Variants in WWOX observed in about 807,000 individuals in gnomAD.
The protein encoded by WWOX is WW domain-containing oxidoreductase.
A neutral mutation model predicts 46.2 loss-of-function variants in WWOX; 69 were observed. That is an observed-to-expected ratio of 1.49 (90% CI 1.23 to 1.82). The LOEUF (loss-of-function observed/expected upper bound fraction) is 1.82. Among genes scored for constraint, WWOX ranks in the 40% most tolerant of loss-of-function variants. The pLI is 0.00. For synonymous variants in WWOX, 359 were observed against 202.6 expected, an observed-to-expected ratio of 1.77 and a Z score of -6.56; for missense variants, 919 against 542.6, an observed-to-expected ratio of 1.69 and a Z score of -6.89.
chr16:79,015,490 A>G (rs1455722597), intron 8 of WWOX, among the ~76,000 whole-genome samples: 1 of 152,170 alleles, frequency 6.6e-6, no homozygotes, highest in Non-Finnish European at 1.5e-5. Flanking sequence ...TCAATAAACT[A>G]TAACGTCTTT....
chr16:78,366,619 C>T (rs1241961244), intron 5 of WWOX, among the ~76,000 whole-genome samples: 1 of 152,176 alleles, frequency 6.6e-6, no homozygotes, highest in Non-Finnish European at 1.5e-5. Context: ...TTTACTGGAA[C>T]AGAGGAATAC....
At chr16:78,280,307 T>C (rs560476052) in intron 5 of WWOX, among the ~76,000 whole-genome samples, 1 of 152,360 alleles carries the variant, frequency 6.6e-6, no homozygotes, top group East Asian at 1.9e-4. Flanking sequence ...TAATGATAGA[T>C]ATTATATATA....
At chr16:78,275,983 C>G (rs558829187) in intron 5 of WWOX, among the ~76,000 whole-genome samples, 1 of 152,280 alleles carries the variant, frequency 6.6e-6, no homozygotes, top group East Asian at 1.9e-4. Context: ...TAGCCCAGAC[C>G]CCCAAACTTC....
intron 5 of WWOX, among the ~76,000 whole-genome samples, chr16:78,315,758 A>G (rs1042860754): frequency 1.3e-5 from 2 of 152,162 alleles, no homozygotes; most frequent in Non-Finnish European, 2.9e-5. Flanking sequence ...TCATCCTTAC[A>G]ATGACTCCAT....
chr16:78,833,489 C>T lies in WWOX; in HGVS notation c.1057-378119C>T, dbSNP rs533778020. Among the ~76,000 whole-genome samples, 132 of 152,204 alleles carry T rather than the reference C, an allele frequency of 8.7e-4. 1 individual carries two copies. The highest frequency in any genetic ancestry group is 3.2e-3 in the African/African-American group (131 of 41,506). On this transcript the variant is annotated intron_variant, in intron 8 of 8. Transcript: ENST00000566780. ...CCTTCCTCATCATTGTCCTCTTCTG[C>T]GAGTTCAGAAAATTGGGTTACAATA...
At chr16:78,121,443 T>A (rs1473135316) in intron 4 of WWOX, among the ~76,000 whole-genome samples, 1 of 152,150 alleles carries the variant, frequency 6.6e-6, no homozygotes, top group East Asian at 1.9e-4. Context: ...TACACTGAGA[T>A]ATTATTGGAC....
chr16:79,175,187 C>T (rs1567598821), intron 8 of WWOX, among the ~76,000 whole-genome samples: 2 of 152,170 alleles, frequency 1.3e-5, no homozygotes, highest in Admixed American at 1.3e-4. Context: ...TTTTAATATG[C>T]CTCATTCTAG....
chr16:78,484,115 T>G (rs16947695), intron 8 of WWOX, among the ~76,000 whole-genome samples: 2,880 of 152,340 alleles, frequency 0.019, 71 homozygotes, highest in African/African-American at 0.059. Context: ...TTGAATACAT[T>G]GTCTTTTTGC....
At chr16:78,674,268 AC>A (rs1298686293) in intron 8 of WWOX, among the ~76,000 whole-genome samples, 1 of 143,894 alleles carries the variant, frequency 6.9e-6, no homozygotes, top group Non-Finnish European at 1.5e-5. Flanking sequence ...ACTCGTTCCA[AC>A]CAGTTCATCT....
intron 4 of WWOX, among the ~76,000 whole-genome samples, chr16:78,116,887 G>C (rs543504875): frequency 6.6e-6 from 1 of 152,308 alleles, no homozygotes; most frequent in African/African-American, 2.4e-5. Context: ...TGTGTTAAGT[G>C]TTCGAACTGC....
chr16:78,949,583 T>A (rs2046017327), intron 8 of WWOX, among the ~76,000 whole-genome samples: 1 of 152,262 alleles, frequency 6.6e-6, no homozygotes, highest in Admixed American at 6.5e-5. Context: ...TATGTCATGC[T>A]GTACTACTTT....
chr16:78,210,767 T>A (rs2036535433), intron 5 of WWOX, among the ~76,000 whole-genome samples: 1 of 152,240 alleles, frequency 6.6e-6, no homozygotes, highest in Non-Finnish European at 1.5e-5. Flanking sequence ...ATCTCTAATA[T>A]CCATTTAAAA....
chr16:78,924,270 A>G (rs1343648578), intron 8 of WWOX, among the ~76,000 whole-genome samples: 1 of 152,160 alleles, frequency 6.6e-6, no homozygotes, highest in South Asian at 2.1e-4. Flanking sequence ...ATGTGGTTAG[A>G]CAAGTTTTAT....
intron 8 of WWOX, chr16:78,872,678 TAGAC>T (rs2044153085): frequency 6.6e-6 from 1 of 152,206 alleles, no homozygotes; most frequent in Admixed American, 6.6e-5. Context: ...CTCAAAACCA[TAGAC>T]AGGCAGTGTC....
At chr16:78,919,547 C>G (rs1046184578) in intron 8 of WWOX, among the ~76,000 whole-genome samples, 9 of 116,186 alleles carry the variant, frequency 7.7e-5, no homozygotes, top group African/African-American at 2.9e-4. Flanking sequence ...TTGAGGGAGT[C>G]TTGCTCTGTC....
intron 8 of WWOX, among the ~76,000 whole-genome samples, chr16:78,978,646 G>C (rs918419106): frequency 7.9e-5 from 12 of 152,172 alleles, no homozygotes; most frequent in Admixed American, 7.2e-4. Flanking sequence ...TTATAATCAT[G>C]GCAGAAGGTA....
chr16:79,129,905 G>A (rs377765459), intron 8 of WWOX, among the ~76,000 whole-genome samples: 3 of 152,166 alleles, frequency 2.0e-5, no homozygotes, highest in Non-Finnish European at 4.4e-5. Flanking sequence ...AAGCGTCGCT[G>A]TTCACTGGCT....
At chr16:79,177,703 A>T (rs1217567057) in intron 8 of WWOX, among the ~76,000 whole-genome samples, 3 of 152,180 alleles carry the variant, frequency 2.0e-5, no homozygotes, top group Non-Finnish European at 4.4e-5. Flanking sequence ...AGCCATATTC[A>T]GTAGTCCCAG....
At chr16:78,261,960 GC>G (rs2079253706) in intron 5 of WWOX, among the ~76,000 whole-genome samples, 1 of 151,018 alleles carries the variant, frequency 6.6e-6, no homozygotes, top group Non-Finnish European at 1.5e-5. Flanking sequence ...ACAGGCCAAG[GC>G]CTCATTATAT....
Sources: allele counts gnomAD v4.1 joint callset (sites outside exome capture counted in the v4.1 genomes callset), GRCh38; gene constraint gnomAD v4.1.1; transcripts MANE v1.5; gene names NCBI Gene and HGNC (gene_info 2026-07-23, HGNC 2026-07-21).